Variants in ZNF407 observed in about 807,000 individuals in gnomAD.
The protein encoded by ZNF407 is zinc finger protein 407.
ZNF407 carries 17 observed loss-of-function variants against 131.2 expected under a neutral mutation model. That is an observed-to-expected ratio of 0.13 (90% confidence interval 0.09 to 0.19). The LOEUF is 0.19. Ranked by LOEUF, ZNF407 falls within the 10% of genes least tolerant of loss-of-function variation. The pLI is 1.00. For missense variants in ZNF407, 2,681 were observed against 2,830.6 expected, an observed-to-expected ratio of 0.95 and a Z score of 1.20; for synonymous variants, 1,156 against 1,062.0, an observed-to-expected ratio of 1.09 and a Z score of -1.72.
At chr18:74,731,772 C>T (rs989316940) in intron 3 of ZNF407, among the ~76,000 whole-genome samples, 3 of 151,998 alleles carry the variant, frequency 2.0e-5, no homozygotes. Flanking sequence ...AGAAGGATCC[C>T]TGGGGTGGGG....
At chr18:74,606,989 T>C (rs2144611683) in intron 1 of ZNF407, among the ~76,000 whole-genome samples, 1 of 152,336 alleles carries the variant, frequency 6.6e-6, no homozygotes. Flanking sequence ...TATCACCTTT[T>C]AGAGGGAATG....
At chr18:74,611,790 T>A (rs1411039901) in intron 1 of ZNF407, among the ~76,000 whole-genome samples, 1 of 152,164 alleles carries the variant, frequency 6.6e-6, no homozygotes. Context: ...GAAATGCAGA[T>A]CTGGGGTCTC....
At chr18:74,985,884 T>C (rs116385042) in intron 8 of ZNF407, among the ~76,000 whole-genome samples, 1 of 152,316 alleles carries the variant, frequency 6.6e-6, no homozygotes, top group African/African-American at 2.4e-5. Context: ...ACTGCCAACA[T>C]CAGAGTTCTA....
intron 4 of ZNF407, among the ~76,000 whole-genome samples, chr18:74,867,824 A>G (rs752377909): frequency 4.6e-5 from 7 of 152,368 alleles, no homozygotes; most frequent in Non-Finnish European, 7.3e-5. Context: ...CAAACTCTGC[A>G]TATCAGTTTC....
intron 8 of ZNF407, among the ~76,000 whole-genome samples, chr18:74,979,353 GC>G (rs572568060): frequency 1.7e-3 from 261 of 152,260 alleles, no homozygotes; most frequent in African/African-American, 6.1e-3. Context: ...GTGCAGTGGT[GC>G]AATCTCAGCT....
intron 3 of ZNF407, among the ~76,000 whole-genome samples, chr18:74,716,485 C>A (rs1967897357): frequency 1.3e-5 from 2 of 152,126 alleles, no homozygotes; most frequent in South Asian, 4.1e-4. Context: ...CAGTGACACC[C>A]TGTGAACTAA....
intron 4 of ZNF407, among the ~76,000 whole-genome samples, chr18:74,856,966 C>T (rs916309132): frequency 5.3e-5 from 8 of 152,140 alleles, no homozygotes; most frequent in African/African-American, 1.4e-4. Context: ...ACTAAACAAC[C>T]GTGGGCTAAA....
intron 3 of ZNF407, among the ~76,000 whole-genome samples, chr18:74,735,821 C>T (rs903094468): frequency 3.3e-5 from 5 of 152,172 alleles, no homozygotes; most frequent in Non-Finnish European, 5.9e-5. Flanking sequence ...TTCGTATTTC[C>T]TCTTTGCCCC....
chr18:74,951,974 A>G (rs1380678938), intron 8 of ZNF407, among the ~76,000 whole-genome samples: 1 of 152,178 alleles, frequency 6.6e-6, no homozygotes, highest in Admixed American at 6.5e-5. Flanking sequence ...GAAATTAGAA[A>G]ATACATACAA....
At chr18:74,728,813 G>A (rs555827132) in intron 3 of ZNF407, among the ~76,000 whole-genome samples, 4 of 152,292 alleles carry the variant, frequency 2.6e-5, no homozygotes, top group Non-Finnish European at 5.9e-5. Context: ...TCACAAGGAG[G>A]GCACAGAGGT....
intron 8 of ZNF407, among the ~76,000 whole-genome samples, chr18:74,964,921 T>A (rs559494928): frequency 6.6e-6 from 1 of 152,358 alleles, no homozygotes; most frequent in Admixed American, 6.5e-5. Context: ...TGGCTTCTTG[T>A]ATGGCACAGA....
At chr18:74,840,130 T>C (rs1460006023) in intron 4 of ZNF407, among the ~76,000 whole-genome samples, 1 of 152,234 alleles carries the variant, frequency 6.6e-6, no homozygotes, top group African/African-American at 2.4e-5. Context: ...CTCTTCAATA[T>C]ACACATGGCT....
chr18:74,827,750 A>G (rs1250196064), intron 4 of ZNF407, among the ~76,000 whole-genome samples: 1 of 152,160 alleles, frequency 6.6e-6, no homozygotes, highest in Non-Finnish European at 1.5e-5. Context: ...GGGACCTCTT[A>G]GTAGACAAAG....
chr18:74,931,130 C>A (rs1458339146), intron 8 of ZNF407, among the ~76,000 whole-genome samples: 1 of 152,128 alleles, frequency 6.6e-6, no homozygotes, highest in Admixed American at 6.5e-5. Flanking sequence ...ACAGATAAAG[C>A]TTTATGACCT....
At chr18:74,791,543 A>G (rs984956393) in intron 4 of ZNF407, among the ~76,000 whole-genome samples, 1 of 152,196 alleles carries the variant, frequency 6.6e-6, no homozygotes, top group African/African-American at 2.4e-5. Context: ...TGAAGCTGAC[A>G]TGAATTTATC....
chr18:74,779,105 A>T (rs1380792442), intron 3 of ZNF407, among the ~76,000 whole-genome samples: 27 of 24,864 alleles, frequency 1.1e-3, no homozygotes, highest in Admixed American at 2.5e-3. Flanking sequence ...ATATATATAT[A>T]TATATTTTTT....
intron 4 of ZNF407, among the ~76,000 whole-genome samples, chr18:74,786,249 C>A (rs1404348929): frequency 6.6e-6 from 1 of 152,098 alleles, no homozygotes; most frequent in Non-Finnish European, 1.5e-5. Flanking sequence ...AAGGTAAATA[C>A]TGTTATCCAT....
intron 4 of ZNF407, among the ~76,000 whole-genome samples, chr18:74,827,218 G>C (rs1195118205): frequency 6.6e-6 from 1 of 152,152 alleles, no homozygotes; most frequent in Non-Finnish European, 1.5e-5. Context: ...GTATTGAAAA[G>C]CATATGTATT....
At chr18:74,852,515 A>G (rs1486569427) in intron 4 of ZNF407, among the ~76,000 whole-genome samples, 7 of 152,036 alleles carry the variant, frequency 4.6e-5, no homozygotes, top group East Asian at 3.9e-4. Flanking sequence ...TAGTAGCATT[A>G]TTTCTGAGCA....
Sources: gnomAD v4.1 joint callset for allele counts (sites outside exome capture counted in the v4.1 genomes callset) on GRCh38, gnomAD v4.1.1 for gene constraint, MANE v1.5 for transcripts, NCBI Gene and HGNC (gene_info 2026-07-23, HGNC 2026-07-21) for gene names.